CWH43: variants seen among roughly 807,000 people sequenced by gnomAD.
The protein encoded by CWH43 is PGAP2-interacting protein.
In CWH43, 91 loss-of-function variants were observed where a neutral mutation model predicts 85.7. The ratio of observed to expected loss-of-function variants is 1.06; its 90% confidence interval spans 0.90 to 1.26. The LOEUF is 1.26. Ranked by LOEUF, CWH43 falls within the 50% of genes most tolerant of loss-of-function variation. The pLI, the probability that CWH43 is intolerant of heterozygous loss-of-function variation, is 0.00. For synonymous variants in CWH43, 323 were observed against 293.6 expected (o/e 1.10, Z -1.02); for missense variants, 869 against 839.2 (o/e 1.04, Z -0.44).
At chr4:49,014,052 T>G (rs147904536) in intron 8 of CWH43, among the ~76,000 whole-genome samples, 2 of 152,290 alleles carry the variant, frequency 1.3e-5, no homozygotes, top group East Asian at 3.9e-4. Flanking sequence ...TGTAAAGATA[T>G]AAAAAACAAT....
intron 10 of CWH43, 29 bp downstream of exon 10, chr4:49,028,763 T>G: frequency 7.4e-7 from 1 of 1,360,352 alleles, no homozygotes; most frequent in Non-Finnish European, 1.0e-6. Flanking sequence ...AGTTCCAGGT[T>G]TTGAGAAACT....
intron 13 of CWH43, among the ~76,000 whole-genome samples, chr4:49,039,979 A>G (rs1784406557): frequency 6.6e-6 from 1 of 151,802 alleles, no homozygotes; most frequent in Non-Finnish European, 1.5e-5. Flanking sequence ...CCCACCAATG[A>G]GTGAGAACAT....
At position 48,998,563 on chromosome 4, in the gene CWH43, CCT is replaced by C; in HGVS notation, c.802+16_802+17del. ...GTGGGTTACAGGTATGTGGAATTTA[CCT>C]GCAGATAGAACACGACTGAGCTTGG... On this transcript the variant is annotated intron_variant, in intron 6 of 15. Transcript: ENST00000226432. 6.3e-7 allele frequency: 1 copy of C among 1,579,756 alleles called. No individual in the cohort carries two copies. The highest frequency in any genetic ancestry group is 8.7e-7 in the Non-Finnish European group (1 of 1,148,770).
At chr4:49,028,003 G>A (rs1175870907) in intron 9 of CWH43, among the ~76,000 whole-genome samples, 1 of 152,098 alleles carries the variant, frequency 6.6e-6, no homozygotes, top group Admixed American at 6.6e-5. Flanking sequence ...GTTAAAATAG[G>A]CTGACCACTT....
rs1373647295 is a variant in CWH43, at chr4:49,007,228, A to G, written c.1088A>G (p.Asn363Ser). Residue 363 changes from asparagine to serine, a missense_variant, in exon 8 of 16, where the codon AAT becomes AGT. Coordinates refer to ENST00000226432, the MANE Select transcript of CWH43 (RefSeq NM_025087.3). ...ACAATGATGTTAATTATCGGGCTGA[A>G]TATGCTATTTGGTCCTAAGAAAAAC... ...LGTMMLIIGL[N>S]MLFGPKKNLD... 6.2e-7 allele frequency: 1 copy of G among 1,611,510 alleles called. No homozygotes were observed. Among genetic ancestry groups the G allele is most frequent in the Non-Finnish European group, 8.5e-7 (1 of 1,178,876 alleles).
chr4:49,030,711 T>G, intron 10 of CWH43, 114 bp from the exon 11 acceptor site: 1 of 962,426 alleles, frequency 1.0e-6, no homozygotes. Flanking sequence ...ATTACTTTGT[T>G]TTTGGGTTTA....
intron 5 of CWH43, among the ~76,000 whole-genome samples, chr4:48,995,456 A>T (rs1782783735): frequency 1.3e-5 from 2 of 152,170 alleles, no homozygotes; most frequent in African/African-American, 4.8e-5. Flanking sequence ...TTCTTGCAAA[A>T]AAATTGGAGG....
intron 15 of CWH43, among the ~76,000 whole-genome samples, chr4:49,058,523 A>C (rs1785038293): frequency 6.6e-6 from 1 of 152,220 alleles, no homozygotes; most frequent in Non-Finnish European, 1.5e-5. Context: ...TAAAGTATTA[A>C]TGTTTTCTGA....
intron 13 of CWH43, among the ~76,000 whole-genome samples, chr4:49,044,323 G>C (rs1784555019): frequency 6.6e-6 from 1 of 152,162 alleles, no homozygotes; most frequent in African/African-American, 2.4e-5. Context: ...TATGCTAAGT[G>C]ACAGGTTGGA....
rs1345916232 is a variant in CWH43 at position 49,033,400 on chromosome 4, T to C, written c.1658+685T>C. On this transcript the variant is annotated intron_variant, in intron 12 of 15. Transcript: ENST00000226432. ...ATACATGCCTAAATATACACGAAAC[T>C]GACTCCCCCTAAATGGTGGGCCTAC... Among the ~76,000 whole-genome samples, 3 of 152,218 alleles carry C rather than the reference T, an allele frequency of 2.0e-5. No homozygotes were observed. The South Asian group carries it at 6.2e-4, about 32-fold the overall frequency.
chr4:48,994,028 C>T (rs1782736076), intron 4 of CWH43, among the ~76,000 whole-genome samples: 1 of 152,128 alleles, frequency 6.6e-6, no homozygotes, highest in African/African-American at 2.4e-5. Context: ...TCCCAAAGTG[C>T]TGGGATTACA....
intron 12 of CWH43, among the ~76,000 whole-genome samples, chr4:49,033,489 A>C (rs1784166472): frequency 6.6e-6 from 1 of 152,182 alleles, no homozygotes; most frequent in Non-Finnish European, 1.5e-5. Context: ...GCCTGTCTGC[A>C]AACTGGCAGC....
At chr4:49,054,246 T>C (rs1259320097) in intron 15 of CWH43, among the ~76,000 whole-genome samples, 1 of 152,136 alleles carries the variant, frequency 6.6e-6, no homozygotes, top group Non-Finnish European at 1.5e-5. Context: ...TCCCCCAACA[T>C]TGCTTATTGA....
intron 8 of CWH43, among the ~76,000 whole-genome samples, chr4:49,010,036 G>GT (rs1265417619): frequency 2.6e-5 from 4 of 152,200 alleles, no homozygotes; most frequent in African/African-American, 9.7e-5. Context: ...GATTGGAATA[G>GT]TTTTAGAAGG....
chr4:49,039,320 T>TATATATATCTTATACTG (rs1553916926), intron 13 of CWH43, among the ~76,000 whole-genome samples: 1 of 30,218 alleles, frequency 3.3e-5, no homozygotes, highest in Non-Finnish European at 8.4e-5. Flanking sequence ...TATATATATA[T>TATATATATCTTATACTG]ATATATATAT....
chr4:49,049,520 T>A (rs1460430720), intron 14 of CWH43, among the ~76,000 whole-genome samples: 12 of 143,608 alleles, frequency 8.4e-5, no homozygotes, highest in African/African-American at 2.8e-4. Context: ...TATCTCACTC[T>A]AAAAAAAAAA....
chr4:49,022,531 T>C (rs1783783838), intron 9 of CWH43, among the ~76,000 whole-genome samples: 1 of 152,146 alleles, frequency 6.6e-6, no homozygotes, highest in South Asian at 2.1e-4. Flanking sequence ...CATCCTTTGC[T>C]AGTTTTGGTA....
chr4:49,028,765 T>G (rs1235677933), intron 10 of CWH43, 31 bp downstream of exon 10: 1 of 1,356,578 alleles, frequency 7.4e-7, no homozygotes, highest in South Asian at 1.2e-5. Flanking sequence ...TTCCAGGTTT[T>G]GAGAAACTAT....
At chr4:48,995,416 C>T (rs1223949096) in intron 5 of CWH43, among the ~76,000 whole-genome samples, 3 of 152,226 alleles carry the variant, frequency 2.0e-5, no homozygotes, top group Non-Finnish European at 4.4e-5. Context: ...CTTCCTGACA[C>T]ATCTTTTCTC....
Sources: allele counts gnomAD v4.1 joint callset (sites outside exome capture counted in the v4.1 genomes callset), GRCh38; gene constraint gnomAD v4.1.1; transcripts MANE v1.5; gene names NCBI Gene and HGNC (gene_info 2026-07-23, HGNC 2026-07-21).